The following BARX2 variants were observed in gnomAD, a reference collection of about 807,000 sequenced individuals.
BARX2 encodes the protein BARX homeobox 2.
BARX2 carries 11 observed loss-of-function variants against 25.5 expected under a neutral mutation model. That is an observed-to-expected ratio of 0.43 (90% CI 0.27 to 0.71). The LOEUF (loss-of-function observed/expected upper bound fraction) is 0.71. Among genes scored for constraint, BARX2 ranks in the 30% least tolerant of loss-of-function variants. The probability of loss-of-function intolerance (pLI) is 0.19; values close to 1 mark genes in which losing one functional copy is unlikely to be tolerated. For synonymous variants in BARX2, 137 were observed against 149.5 expected, an observed-to-expected ratio of 0.92 and a Z score of 0.61; for missense variants, 360 against 359.9, an observed-to-expected ratio of 1.00 and a Z score of 0.00.
At chr11:129,397,651 A>G (rs939231635) in intron 1 of BARX2, among the ~76,000 whole-genome samples, 2 of 152,338 alleles carry the variant, frequency 1.3e-5, no homozygotes, top group African/African-American at 4.8e-5. Flanking sequence ...GATGATGGTG[A>G]TGTGAGCGTC....
chr11:129,435,842 A>G (rs1401149144), intron 1 of BARX2, among the ~76,000 whole-genome samples: 2 of 152,238 alleles, frequency 1.3e-5, no homozygotes, highest in African/African-American at 4.8e-5. Context: ...TTGGACAGAA[A>G]AGAACTCTTG....
At chr11:129,439,056 G>T (rs906580834) in intron 2 of BARX2, among the ~76,000 whole-genome samples, 11 of 152,106 alleles carry the variant, frequency 7.2e-5, no homozygotes, top group Admixed American at 6.5e-4. Context: ...TGGCTGAAAT[G>T]TGAACTTGGT....
intron 2 of BARX2, chr11:129,442,626 C>T: frequency 1.9e-6 from 1 of 538,796 alleles, no homozygotes; most frequent in Non-Finnish European, 3.3e-6. Context: ...TGTCCTCAGG[C>T]ATGGGCATCT....
intron 1 of BARX2, among the ~76,000 whole-genome samples, chr11:129,434,236 C>G (rs1294988025): frequency 7.8e-6 from 1 of 128,758 alleles, no homozygotes; most frequent in Admixed American, 8.7e-5. Flanking sequence ...CTATTCATCT[C>G]TCTTTCTCAT....
intron 3 of BARX2, among the ~76,000 whole-genome samples, chr11:129,446,364 G>A (rs117454576): frequency 6.6e-6 from 1 of 152,230 alleles, no homozygotes; most frequent in East Asian, 1.9e-4. Flanking sequence ...ACAACTCCAT[G>A]AATTGTTACC....
chr11:129,414,510 G>C (rs1446568446), intron 1 of BARX2, among the ~76,000 whole-genome samples: 1 of 152,192 alleles, frequency 6.6e-6, no homozygotes, highest in African/African-American at 2.4e-5. Flanking sequence ...GTTGGGTGCA[G>C]ATCTCAAGGC....
At chr11:129,403,726 T>A (rs928026771) in intron 1 of BARX2, among the ~76,000 whole-genome samples, 5 of 152,190 alleles carry the variant, frequency 3.3e-5, no homozygotes, top group African/African-American at 4.8e-5. Context: ...TTGTATTTTT[T>A]AAATATTTTT....
chr11:129,411,915 G>C (rs1372302849), intron 1 of BARX2, among the ~76,000 whole-genome samples: 2 of 152,180 alleles, frequency 1.3e-5, no homozygotes, highest in Non-Finnish European at 2.9e-5. Flanking sequence ...CGAGGAACTC[G>C]GTTGGAGCTT....
rs559939373 is a variant in BARX2 at position 129,391,644 on chromosome 11, G to T, written c.187+15422G>T. On this transcript the variant is annotated intron_variant, in intron 1 of 3. Coordinates refer to ENST00000281437, the MANE Select transcript of BARX2 (RefSeq NM_003658.5). ...GACCCGACAGTGGGAGTTTAGTGGGGAATTTTGCAAGGACTCTCTTAAAGT... is the reference window on the plus strand; with the variant it reads ...GACCCGACAGTGGGAGTTTAGTGGGTAATTTTGCAAGGACTCTCTTAAAGT... 1.6e-3 allele frequency among the ~76,000 whole-genome samples: 246 copies of T among 152,314 alleles called. 2 individuals are homozygous for T. Among genetic ancestry groups the T allele is most frequent in the African/African-American group, 5.7e-3 (239 of 41,566 alleles).
At chr11:129,414,853 G>C (rs1861928413) in intron 1 of BARX2, among the ~76,000 whole-genome samples, 1 of 152,130 alleles carries the variant, frequency 6.6e-6, no homozygotes, top group Non-Finnish European at 1.5e-5. Flanking sequence ...AAAGAGTTTA[G>C]GCCAAAAATA....
chr11:129,426,380 G>GTT (rs147560257), intron 1 of BARX2, among the ~76,000 whole-genome samples: 15 of 146,396 alleles, frequency 1.0e-4, no homozygotes, highest in African/African-American at 2.0e-4. Flanking sequence ...GTTTTTTTTT[G>GTT]TTTTTTTTTT....
At chr11:129,379,125 C>T (rs1028785283) in intron 1 of BARX2, among the ~76,000 whole-genome samples, 1 of 152,150 alleles carries the variant, frequency 6.6e-6, no homozygotes, top group African/African-American at 2.4e-5. Flanking sequence ...CTCTAAATTT[C>T]TCTCGGTTTC....
intron 2 of BARX2, among the ~76,000 whole-genome samples, chr11:129,440,352 A>C (rs1862242217): frequency 6.6e-6 from 1 of 152,186 alleles, no homozygotes; most frequent in African/African-American, 2.4e-5. Flanking sequence ...CCATTGACTA[A>C]TGCACCTGAT....
intron 1 of BARX2, among the ~76,000 whole-genome samples, chr11:129,398,362 C>T (rs76733862): frequency 0.035 from 5,334 of 152,198 alleles, 112 homozygotes; most frequent in Non-Finnish European, 0.045. Context: ...TTTTGTAATG[C>T]GCCCCTGGAG....
At chr11:129,408,460 T>C (rs954482903) in intron 1 of BARX2, among the ~76,000 whole-genome samples, 1 of 152,194 alleles carries the variant, frequency 6.6e-6, no homozygotes. Context: ...ACAGGGATGC[T>C]TAGCTCACAG....
chr11:129,382,415 G>T (rs1025656471), intron 1 of BARX2, among the ~76,000 whole-genome samples: 11 of 152,158 alleles, frequency 7.2e-5, no homozygotes, highest in African/African-American at 2.4e-4. Context: ...CTGACCTCAG[G>T]TGATCTGCCC....
chr11:129,394,243 G>C (rs1037875054), intron 1 of BARX2, among the ~76,000 whole-genome samples: 1 of 152,078 alleles, frequency 6.6e-6, no homozygotes, highest in Non-Finnish European at 1.5e-5. Flanking sequence ...CATTTTCATT[G>C]ATAGAGTGTC....
At chr11:129,416,962 C>T (rs1357705719) in intron 1 of BARX2, among the ~76,000 whole-genome samples, 5 of 151,022 alleles carry the variant, frequency 3.3e-5, no homozygotes, top group Non-Finnish European at 7.4e-5. Context: ...AGTACAGTGG[C>T]GCAATCTCAG....
In BARX2 at chr11:129,425,581, G is replaced by A. The variant is rs188709651; in HGVS notation, c.188-11170G>A. ...TGATGTGACATTTTAGGCAGCATGA[G>A]AAAGTCTAGAAACCTACCTGTTGGG... On this transcript the variant is annotated intron_variant, in intron 1 of 3. Coordinates refer to ENST00000281437, the MANE Select transcript of BARX2 (RefSeq NM_003658.5). Among the ~76,000 whole-genome samples the A allele has an allele frequency of 1.8e-4, 27 of 152,332 alleles. No homozygotes were observed. In the East Asian group the frequency reaches 4.8e-3, roughly 27 times the overall value.
Sources: gnomAD v4.1 joint callset for allele counts (sites outside exome capture counted in the v4.1 genomes callset) on GRCh38, gnomAD v4.1.1 for gene constraint, MANE v1.5 for transcripts, NCBI Gene and HGNC (gene_info 2026-07-23, HGNC 2026-07-21) for gene names.